Variants in ETV6 observed in about 807,000 individuals in gnomAD.
The protein encoded by ETV6 is transcription factor ETV6.
A neutral mutation model predicts 51.1 loss-of-function variants in ETV6; 16 were observed. That is an observed-to-expected ratio of 0.31 (90% confidence interval 0.21 to 0.48). The LOEUF is 0.48. ETV6 is among the 20% of genes least tolerant of loss of function. The pLI is 0.99. For synonymous variants in ETV6, 240 were observed against 224.1 expected, an observed-to-expected ratio of 1.07 and a Z score of -0.64; for missense variants, 458 against 594.8, an observed-to-expected ratio of 0.77 and a Z score of 2.39.
At chr12:11,730,039 A>G (rs1263427798) in intron 1 of ETV6, among the ~76,000 whole-genome samples, 1 of 152,134 alleles carries the variant, frequency 6.6e-6, no homozygotes, top group Non-Finnish European at 1.5e-5. Context: ...TGCAAGCGAA[A>G]ATTATTGATG....
Position 11,671,701 on chromosome 12 carries a change from G to A in ETV6, c.33+21541G>A, listed in dbSNP as rs904391119. On this transcript the variant is annotated intron_variant, in intron 1 of 7. Coordinates refer to ENST00000396373, the MANE Select transcript of ETV6 (RefSeq NM_001987.5). ...AATTTCAGACCAAGGCCCAAAGCTCGGTTAAGTGACCTACTGAAGGTCCCA... is the reference window on the plus strand; with the variant it reads ...AATTTCAGACCAAGGCCCAAAGCTCAGTTAAGTGACCTACTGAAGGTCCCA... Among the ~76,000 whole-genome samples, 7 of 152,096 alleles carry A rather than the reference G, an allele frequency of 4.6e-5. No homozygotes were observed. The East Asian group carries it at 9.6e-4, about 21-fold the overall frequency.
intron 1 of ETV6, among the ~76,000 whole-genome samples, chr12:11,674,658 T>A (rs1204198445): frequency 7.4e-6 from 1 of 134,322 alleles, no homozygotes; most frequent in Admixed American, 7.7e-5. Flanking sequence ...TGTGTGTGTG[T>A]GTGTTTGGTG....
At chr12:11,797,997 GT>G (rs1945702178) in intron 2 of ETV6, among the ~76,000 whole-genome samples, 1 of 151,992 alleles carries the variant, frequency 6.6e-6, no homozygotes, top group Non-Finnish European at 1.5e-5. Context: ...AAATTCCTTT[GT>G]TTTTTATTAC....
intron 3 of ETV6, among the ~76,000 whole-genome samples, chr12:11,852,803 C>CTA (rs1946577343): frequency 6.6e-6 from 1 of 152,214 alleles, no homozygotes; most frequent in South Asian, 2.1e-4. Flanking sequence ...AACTATAGAA[C>CTA]TATAGATAGT....
At chr12:11,655,935 T>C (rs1041713061) in intron 1 of ETV6, among the ~76,000 whole-genome samples, 11 of 152,370 alleles carry the variant, frequency 7.2e-5, no homozygotes, top group South Asian at 6.2e-4. Context: ...AAGGTGTTCG[T>C]CTGCTGTTTT....
intron 3 of ETV6, among the ~76,000 whole-genome samples, chr12:11,843,006 A>C (rs1413506078): frequency 6.6e-6 from 1 of 152,188 alleles, no homozygotes; most frequent in African/African-American, 2.4e-5. Flanking sequence ...GGAATAATAG[A>C]TGTGAGCATC....
chr12:11,809,300 A>G (rs1945876278), intron 2 of ETV6, among the ~76,000 whole-genome samples: 1 of 152,200 alleles, frequency 6.6e-6, no homozygotes, highest in Non-Finnish European at 1.5e-5. Context: ...AAATGAATAT[A>G]GGAAAAACAA....
chr12:11,679,302 G>T (rs1332629526), intron 1 of ETV6, among the ~76,000 whole-genome samples: 1 of 152,006 alleles, frequency 6.6e-6, no homozygotes, highest in Non-Finnish European at 1.5e-5. Flanking sequence ...CTATATAGTA[G>T]AAGAAAGAAA....
intron 2 of ETV6, among the ~76,000 whole-genome samples, chr12:11,830,405 C>A (rs1946224714): frequency 1.3e-5 from 2 of 152,306 alleles, no homozygotes; most frequent in South Asian, 4.1e-4. Flanking sequence ...TTCATTGTGA[C>A]CTTGGGAAAG....
intron 2 of ETV6, among the ~76,000 whole-genome samples, chr12:11,776,040 T>C (rs1945319301): frequency 6.6e-6 from 1 of 152,184 alleles, no homozygotes; most frequent in Admixed American, 6.5e-5. Flanking sequence ...TGCTTGATGG[T>C]GATTATTACC....
intron 1 of ETV6, among the ~76,000 whole-genome samples, chr12:11,720,548 C>G (rs1012080970): frequency 6.6e-6 from 1 of 152,122 alleles, no homozygotes; most frequent in Admixed American, 6.6e-5. Flanking sequence ...GAAACTGAAC[C>G]CTTACCTTTC....
In ETV6 at chr12:11,892,692, T is replaced by C. The variant is rs553577122; in HGVS notation, c.*1646T>C. 1.5e-4 allele frequency: 35 copies of C among 233,154 alleles called. No individual in the cohort carries two copies. Among genetic ancestry groups the C allele is most frequent in the Non-Finnish European group, 2.6e-4 (31 of 117,980 alleles). The allele number at this position is 233,154 out of a possible 1,614,324, so 14.4% of individuals were successfully genotyped here. ...ACTCACAGCTCCTCCGGGATACATA[T>C]GTGCCCTCAGCAGCAGCTCCCAGGT... On this transcript the variant is annotated 3_prime_UTR_variant, in exon 8 of 8. Coordinates refer to ENST00000396373, the MANE Select transcript of ETV6 (RefSeq NM_001987.5).
intron 1 of ETV6, among the ~76,000 whole-genome samples, chr12:11,682,779 A>C (rs1379693523): frequency 6.6e-6 from 1 of 152,146 alleles, no homozygotes; most frequent in Non-Finnish European, 1.5e-5. Flanking sequence ...AAGGGGTTTC[A>C]GTTTTCTGCA....
Position 11,869,404 on chromosome 12 carries a change from T to A in ETV6, c.464-20T>A. On this transcript the variant is annotated intron_variant, in intron 4 of 7. Transcript: ENST00000396373. This position sits in a 1 kb window ranked among gnomAD's most constrained non-coding sequence, Gnocchi z 5.0. ...GCCAACTCACTGGGGTCTGTGATTG[T>A]CTTTCCCTCTGCTCCACAGATAACT... The A allele has an allele frequency of 6.3e-7, 1 of 1,585,172 alleles. No homozygotes were observed. Among genetic ancestry groups the A allele is most frequent in the Non-Finnish European group, 8.6e-7 (1 of 1,164,622 alleles).
chr12:11,776,581 G>A (rs1945328982), intron 2 of ETV6, among the ~76,000 whole-genome samples: 1 of 152,236 alleles, frequency 6.6e-6, no homozygotes, highest in Middle Eastern at 3.4e-3. Context: ...TACACATGTA[G>A]CTATGAGGAG....
chr12:11,699,911 C>G (rs1864947130), intron 1 of ETV6, among the ~76,000 whole-genome samples: 1 of 152,182 alleles, frequency 6.6e-6, no homozygotes, highest in African/African-American at 2.4e-5. Flanking sequence ...TTTGCCTTCC[C>G]TGAGCTCCTG....
intron 2 of ETV6, among the ~76,000 whole-genome samples, chr12:11,772,660 G>A (rs1945258993): frequency 6.6e-6 from 1 of 152,162 alleles, no homozygotes; most frequent in African/African-American, 2.4e-5. Flanking sequence ...AAACAAACTA[G>A]CAGTTCTCTT....
In ETV6 at chr12:11,650,488, A is replaced by AAC. The variant is rs1252657352; in HGVS notation, c.33+329_33+330insCA. The stretch of plus-strand genomic sequence containing the variant: ...CCCCGTAATTAGTGCGCTTAAAAAA[A>AAC]AAAAAAACAAAAAACAAAAAAAAAA... On this transcript the variant is annotated intron_variant, in intron 1 of 7. Transcript: ENST00000396373. Among the ~76,000 whole-genome samples the AAC allele has an allele frequency of 4.5e-3, 288 of 64,682 alleles. 9 individuals are homozygous for AAC. The highest frequency in any genetic ancestry group is 0.013 in the Middle Eastern group (2 of 158). The allele number at this position is 64,682 out of a possible 152,430, so 42.4% of individuals were successfully genotyped here.
intron 1 of ETV6, among the ~76,000 whole-genome samples, chr12:11,746,727 A>T (rs1295743933): frequency 1.2e-4 from 18 of 152,150 alleles, no homozygotes; most frequent in South Asian, 2.1e-4. Flanking sequence ...GGAGAAAAAA[A>T]ACTCAATGAC....
Sources: allele counts gnomAD v4.1 joint callset (sites outside exome capture counted in the v4.1 genomes callset), GRCh38; gene constraint gnomAD v4.1.1; non-coding constraint Gnocchi (gnomAD v3.1); transcripts MANE v1.5; gene names NCBI Gene and HGNC (gene_info 2026-07-23, HGNC 2026-07-21).